The following MRM1 variants were observed in gnomAD, a reference collection of about 807,000 sequenced individuals.
The protein encoded by MRM1 is rRNA methyltransferase 1, mitochondrial.
Under a neutral mutation model 25.0 loss-of-function variants are expected in MRM1, and 24 were observed. The ratio of observed to expected loss-of-function variants is 0.96; its 90% confidence interval spans 0.69 to 1.35. MRM1 has a LOEUF of 1.35. MRM1 is among the 40% of genes most tolerant of loss of function. The pLI is 0.00. For missense variants in MRM1, 431 were observed against 464.1 expected (o/e 0.93, Z 0.65); for synonymous variants, 188 against 199.2 (o/e 0.94, Z 0.47).
chr17:36,609,796 A>G (rs2074964117), downstream of MRM1, among the ~76,000 whole-genome samples: 1 of 152,220 alleles, frequency 6.6e-6, no homozygotes, highest in Non-Finnish European at 1.5e-5. Flanking sequence ...GGCAATAGGA[A>G]CTCACATGTA....
At chr17:36,628,084 GCCCTCTCTCTAAT>G in the MRM1 span, among the ~76,000 whole-genome samples, 1 of 152,188 alleles carries the variant, frequency 6.6e-6, no homozygotes, top group African/African-American at 2.4e-5. Context: ...CTTTGCAAAT[GCCCTCTCTCTAAT>G]CCCTTTAACA....
At position 36,601,656 on chromosome 17, in the gene MRM1, A is replaced by G. The variant is rs1365820356; in HGVS notation, c.-155A>G. ...TAGCTCGGTAGTCCAGTTGTGGGTA[A>G]TCGGGGCTGTTTGTTCCTGTCCGAG... On this transcript the variant is annotated 5_prime_UTR_variant, in exon 1 of 5. Transcript: ENST00000614766. 1 of 766,526 alleles carries G rather than the reference A, an allele frequency of 1.3e-6. No homozygotes were observed. The highest frequency in any genetic ancestry group is 1.8e-5 in the African/African-American group (1 of 56,590). The allele number at this position is 766,526 out of a possible 1,614,324, so 47.5% of individuals were successfully genotyped here. A position where few individuals can be genotyped will look rare whatever the true frequency, so the allele number is the denominator to read the frequency against.
At chr17:36,617,974 T>G in the MRM1 span, among the ~76,000 whole-genome samples, 1 of 152,184 alleles carries the variant, frequency 6.6e-6, no homozygotes, top group Non-Finnish European at 1.5e-5. Flanking sequence ...AGCCGCTGGT[T>G]ATCGATTGGG....
At chr17:36,605,659 G>A (rs2074922461) in intron 2 of MRM1, among the ~76,000 whole-genome samples, 1 of 151,454 alleles carries the variant, frequency 6.6e-6, no homozygotes, top group African/African-American at 2.4e-5. Flanking sequence ...TTGTTTTGCT[G>A]TCAGGCGGGC....
chr17:36,601,693 G>T lies in MRM1; in HGVS notation c.-118G>T. ...TGTTCCTGTCCGAGAGAGCTCGGCGGAGACGGCTGTCGAGTACCCTTCACC... is the reference window on the plus strand; with the variant it reads ...TGTTCCTGTCCGAGAGAGCTCGGCGTAGACGGCTGTCGAGTACCCTTCACC... On this transcript the variant is annotated 5_prime_UTR_variant, in exon 1 of 5. Coordinates refer to ENST00000614766, the MANE Select transcript of MRM1 (RefSeq NM_024864.5). 1 of 1,101,898 alleles carries T rather than the reference G, an allele frequency of 9.1e-7. No homozygotes were observed. The highest frequency in any genetic ancestry group is 1.3e-6 in the Non-Finnish European group (1 of 796,142). The allele number at this position is 1,101,898 out of a possible 1,614,324, so 68.3% of individuals were successfully genotyped here. A position where few individuals can be genotyped will look rare whatever the true frequency, so the allele number is the denominator to read the frequency against.
chr17:36,620,571 G>A, the MRM1 span, among the ~76,000 whole-genome samples: 11 of 152,326 alleles, frequency 7.2e-5, no homozygotes, highest in South Asian at 1.9e-3. Flanking sequence ...CACTAGAGTT[G>A]TGCGAGACCT....
chr17:36,613,735 C>A (rs1163817001), downstream of MRM1, among the ~76,000 whole-genome samples: 2 of 152,170 alleles, frequency 1.3e-5, no homozygotes, highest in Admixed American at 6.5e-5. Flanking sequence ...TTCTGAACTT[C>A]AAGGATGTGT....
the MRM1 span, among the ~76,000 whole-genome samples, chr17:36,630,485 T>C: frequency 4.6e-5 from 7 of 152,180 alleles, no homozygotes; most frequent in Non-Finnish European, 8.8e-5. Flanking sequence ...AGCACTTGCT[T>C]GTGGGACAAG....
the MRM1 span, among the ~76,000 whole-genome samples, chr17:36,621,834 G>C: frequency 6.6e-6 from 1 of 152,230 alleles, no homozygotes; most frequent in Admixed American, 6.5e-5. Flanking sequence ...TTTCTGGGGA[G>C]GGAGTATTTC....
At position 36,608,416 on chromosome 17, in the gene MRM1, C is replaced by G; in HGVS notation, c.*1C>G. On this transcript the variant is annotated 3_prime_UTR_variant, in exon 5 of 5. Coordinates refer to ENST00000614766, the MANE Select transcript of MRM1 (RefSeq NM_024864.5). ...GAAAGAGAGGCAAAATGAGGGCTGA[C>G]GTGGACTGTCCACAGTGTTCATGTG... 1 of 1,555,090 alleles carries G rather than the reference C, an allele frequency of 6.4e-7. No homozygotes were observed. Among genetic ancestry groups the G allele is most frequent in the South Asian group, 1.2e-5 (1 of 80,812 alleles).
At chr17:36,630,705 G>A in the MRM1 span, among the ~76,000 whole-genome samples, 6 of 152,140 alleles carry the variant, frequency 3.9e-5, no homozygotes, top group South Asian at 2.1e-4. Flanking sequence ...TGTAACCCTC[G>A]ACTCCTGGGG....
chr17:36,617,643 G>A, the MRM1 span, among the ~76,000 whole-genome samples: 1 of 152,016 alleles, frequency 6.6e-6, no homozygotes, highest in Non-Finnish European at 1.5e-5. Context: ...TGATCCACCC[G>A]CTTTGGCTTC....
At chr17:36,633,598 G>A in the MRM1 span, among the ~76,000 whole-genome samples, 2 of 151,564 alleles carry the variant, frequency 1.3e-5, no homozygotes, top group Admixed American at 6.6e-5. Flanking sequence ...AGGAAGAAGA[G>A]AAGGGGAGGA....
At chr17:36,613,617 A>C (rs553743352), downstream of MRM1, among the ~76,000 whole-genome samples, 1 of 152,082 alleles carries the variant, frequency 6.6e-6, no homozygotes, top group Non-Finnish European at 1.5e-5. Context: ...CAGTGTACAC[A>C]TGTGGAAGCG....
chr17:36,614,965 C>T, the MRM1 span, among the ~76,000 whole-genome samples: 36 of 152,296 alleles, frequency 2.4e-4, no homozygotes, highest in South Asian at 1.4e-3. Flanking sequence ...GGAAAGGGCT[C>T]GAGCTCTGCC....
rs2074867536 is a variant in MRM1, at chr17:36,601,663, CTGTT to C, written c.-143_-140del. ...GTAGTCCAGTTGTGGGTAATCGGGGCTGTTTGTTCCTGTCCGAGAGAGCTCGGCG... is the reference window on the plus strand; with the variant it reads ...GTAGTCCAGTTGTGGGTAATCGGGGCTGTTCCTGTCCGAGAGAGCTCGGCG... On this transcript the variant is annotated 5_prime_UTR_variant, in exon 1 of 5. Transcript: ENST00000614766. 1.2e-6 allele frequency: 1 copy of C among 808,102 alleles called. No individual in the cohort carries two copies. The highest frequency in any genetic ancestry group is 1.7e-5 in the African/African-American group (1 of 57,512). The allele number at this position is 808,102 out of a possible 1,614,324, so 50.1% of individuals were successfully genotyped here.
downstream of MRM1, among the ~76,000 whole-genome samples, chr17:36,611,917 G>A (rs1007739377): frequency 2.0e-5 from 3 of 151,964 alleles, no homozygotes; most frequent in East Asian, 1.9e-4. Flanking sequence ...CTCCATCATT[G>A]CATGAGCCAA....
downstream of MRM1, among the ~76,000 whole-genome samples, chr17:36,610,049 C>G (rs556654449): frequency 5.3e-5 from 8 of 151,834 alleles, no homozygotes; most frequent in South Asian, 6.2e-4. Context: ...CCTCAGCCTT[C>G]CAAGTGGCTG....
Position 36,608,061 on chromosome 17 carries a change from C to T in MRM1, c.889+43C>T, listed in dbSNP as rs149972427. On this transcript the variant is annotated intron_variant, in intron 4 of 4. Transcript: ENST00000614766. ...TCCCTTTCCTCTATCCCTCTAATCA[C>T]GCAGGTGGGATTTGATGCCCTCTAA... The T allele has an allele frequency of 1.9e-5, 31 of 1,603,944 alleles. No individual in the cohort carries two copies. The East Asian group carries it at 2.7e-4, about 14-fold the overall frequency.
Sources: allele counts gnomAD v4.1 joint callset (sites outside exome capture counted in the v4.1 genomes callset), GRCh38; gene constraint gnomAD v4.1.1; transcripts MANE v1.5; gene names NCBI Gene and HGNC (gene_info 2026-07-23, HGNC 2026-07-21).